The following MACROD2 variants were observed in gnomAD, a reference collection of about 807,000 sequenced individuals.
The protein encoded by MACROD2 is ADP-ribose glycohydrolase MACROD2.
Under a neutral mutation model 70.4 loss-of-function variants are expected in MACROD2, and 36 were observed. The ratio of observed to expected loss-of-function variants is 0.51; its 90% CI spans 0.39 to 0.68. MACROD2 has a LOEUF of 0.68. MACROD2 is among the 30% of genes least tolerant of loss of function. The pLI is 0.00. For synonymous variants in MACROD2, 172 were observed against 178.8 expected (o/e 0.96, Z 0.30); for missense variants, 496 against 538.4 (o/e 0.92, Z 0.78).
At chr20:15,463,769 A>G (rs1223289405) in intron 7 of MACROD2, among the ~76,000 whole-genome samples, 1 of 152,090 alleles carries the variant, frequency 6.6e-6, no homozygotes, top group African/African-American at 2.4e-5. Flanking sequence ...CAAACAAAAA[A>G]CTTTAAAAAC....
chr20:15,494,727 G>T (rs991362556), intron 7 of MACROD2, among the ~76,000 whole-genome samples: 2 of 144,848 alleles, frequency 1.4e-5, no homozygotes, highest in Non-Finnish European at 3.0e-5. Context: ...ACCTTGAGCT[G>T]CATAATGGGG....
chr20:14,444,969 G>C (rs1388172752), intron 3 of MACROD2, among the ~76,000 whole-genome samples: 1 of 151,892 alleles, frequency 6.6e-6, no homozygotes, highest in South Asian at 2.1e-4. Flanking sequence ...CTCTCTCCTG[G>C]ATTGCTACAA....
chr20:15,850,397 A>G (rs932069700), intron 8 of MACROD2, among the ~76,000 whole-genome samples: 12 of 152,220 alleles, frequency 7.9e-5, no homozygotes, highest in African/African-American at 4.8e-5. Context: ...TGCCAGCACT[A>G]TGAAAGCCCT....
At chr20:14,682,986 TCTC>T (rs2070952613) in intron 4 of MACROD2, among the ~76,000 whole-genome samples, 1 of 152,114 alleles carries the variant, frequency 6.6e-6, no homozygotes, top group Admixed American at 6.6e-5. Flanking sequence ...TTCAAGCAAT[TCTC>T]CTGCCTCAGC....
At chr20:15,605,482 G>GTGTGTA (rs1303156868) in intron 8 of MACROD2, among the ~76,000 whole-genome samples, 4 of 151,812 alleles carry the variant, frequency 2.6e-5, no homozygotes, top group African/African-American at 4.8e-5. Context: ...GTGTGTGTGT[G>GTGTGTA]TGTGTGTATC....
At chr20:14,078,963 ATGTT>A (rs2053952974) in intron 2 of MACROD2, among the ~76,000 whole-genome samples, 1 of 152,212 alleles carries the variant, frequency 6.6e-6, no homozygotes, top group African/African-American at 2.4e-5. Context: ...TGTCCATCAT[ATGTT>A]CTGGTATATA....
Position 15,697,705 on chromosome 20 carries a change from A to G in MACROD2, c.646-165040A>G, listed in dbSNP as rs141992945. On this transcript the variant is annotated intron_variant, in intron 8 of 17. Coordinates refer to ENST00000684519, the MANE Select transcript of MACROD2 (RefSeq NM_001351661.2). ...GCTGTCCATCTCATTTCTTAGGTCT[A>G]TTAGTAATCGTTTTATAAATTTGGG... Among the ~76,000 whole-genome samples, 844 of 152,244 alleles carry G rather than the reference A, an allele frequency of 5.5e-3. 6 individuals are homozygous for G. The highest frequency in any genetic ancestry group is 0.017 in the Middle Eastern group (5 of 294).
At position 14,326,661 on chromosome 20, in the gene MACROD2, G is replaced by C. The variant is rs139715667; in HGVS notation, c.272-166818G>C. 3 of 1,613,590 alleles carry C rather than the reference G, an allele frequency of 1.9e-6. No individual in the cohort carries two copies. The African/African-American group carries it at 4.0e-5, about 22-fold the overall frequency. On this transcript the variant is annotated intron_variant, in intron 3 of 17. Transcript: ENST00000684519. This position sits in a 1 kb window ranked among gnomAD's most constrained non-coding sequence, Gnocchi z 5.5. ...AGATACCCTGAGGTAAATTACTTAG[G>C]TTATTATTGGACATATCCAGTCGAT...
At chr20:15,838,662 G>T (rs1382291849) in intron 8 of MACROD2, among the ~76,000 whole-genome samples, 1 of 152,160 alleles carries the variant, frequency 6.6e-6, no homozygotes, top group Non-Finnish European at 1.5e-5. Context: ...ATCCGGTAGA[G>T]CACAGCTAGA....
intron 1 of MACROD2, among the ~76,000 whole-genome samples, chr20:14,001,385 G>GAT (rs1228936594): frequency 2.6e-5 from 4 of 151,508 alleles, no homozygotes; most frequent in Admixed American, 1.3e-4. Context: ...TTATCGTCAA[G>GAT]ATATATATAT....
intron 6 of MACROD2, among the ~76,000 whole-genome samples, chr20:15,340,221 C>A (rs1436617429): frequency 7.0e-6 from 1 of 143,614 alleles, no homozygotes; most frequent in African/African-American, 2.6e-5. Flanking sequence ...TCACTGCAAC[C>A]TCTGCCTCCC....
chr20:15,840,173 A>G (rs185656018), intron 8 of MACROD2, among the ~76,000 whole-genome samples: 3 of 152,214 alleles, frequency 2.0e-5, no homozygotes, highest in Non-Finnish European at 4.4e-5. Flanking sequence ...AAGCCACCAC[A>G]GAATGTCTGA....
In MACROD2 at chr20:15,307,056, A is replaced by G. The variant is rs1299326485; in HGVS notation, c.540+76995A>G. On this transcript the variant is annotated intron_variant, in intron 6 of 17. Transcript: ENST00000684519. ...AACAACCAGGAAAGGGCACAAACTC[A>G]TCCATAAGGCACCCCACCCCATGAC... 2.0e-5 allele frequency among the ~76,000 whole-genome samples: 3 copies of G among 152,170 alleles called. No individual in the cohort carries two copies. The East Asian group carries it at 5.8e-4, about 30-fold the overall frequency.
At chr20:14,736,854 C>CA (rs2123712073) in intron 5 of MACROD2, among the ~76,000 whole-genome samples, 1 of 152,034 alleles carries the variant, frequency 6.6e-6, no homozygotes. Context: ...GTCTCTGCAG[C>CA]AAAAAATGGA....
chr20:14,998,264 T>C (rs2074966610), intron 5 of MACROD2, among the ~76,000 whole-genome samples: 1 of 152,152 alleles, frequency 6.6e-6, no homozygotes, highest in African/African-American at 2.4e-5. Flanking sequence ...CCTCACCATA[T>C]GCACTAAATA....
intron 5 of MACROD2, among the ~76,000 whole-genome samples, chr20:14,983,705 A>T (rs2074823094): frequency 6.6e-6 from 1 of 152,136 alleles, no homozygotes; most frequent in East Asian, 1.9e-4. Context: ...TTTCTTTTGT[A>T]AATTGCCCAG....
chr20:14,719,473 G>GAAAAAAAAAAAAAAAGAAAGAAAAAAAA (rs11087105), intron 5 of MACROD2, among the ~76,000 whole-genome samples: 1 of 136,322 alleles, frequency 7.3e-6, no homozygotes, highest in Non-Finnish European at 1.6e-5. Flanking sequence ...AAGATAGAAA[G>GAAAAAAAAAAAAAAAGAAAGAAAAAAAA]AAAAAAAAAA....
intron 5 of MACROD2, among the ~76,000 whole-genome samples, chr20:14,966,259 G>A (rs2074635476): frequency 6.6e-6 from 1 of 152,084 alleles, no homozygotes; most frequent in Non-Finnish European, 1.5e-5. Context: ...AGTAAAGCAT[G>A]CTAATCTTAA....
intron 8 of MACROD2, among the ~76,000 whole-genome samples, chr20:15,567,320 A>G (rs2048323798): frequency 6.6e-6 from 1 of 152,208 alleles, no homozygotes; most frequent in Non-Finnish European, 1.5e-5. Context: ...GCCAGTGCAT[A>G]TAATCCACTC....
Sources: allele counts gnomAD v4.1 joint callset (sites outside exome capture counted in the v4.1 genomes callset), GRCh38; gene constraint gnomAD v4.1.1; non-coding constraint Gnocchi (gnomAD v3.1); transcripts MANE v1.5; gene names NCBI Gene and HGNC (gene_info 2026-07-23, HGNC 2026-07-21).